Variants in MRE11 observed in about 807,000 individuals in gnomAD.
MRE11 encodes the protein double-strand break repair protein MRE11.
A neutral mutation model predicts 91.7 loss-of-function variants in MRE11; 62 were observed. The ratio of observed to expected loss-of-function variants is 0.68; its 90% CI spans 0.55 to 0.84. MRE11 has a LOEUF of 0.84. Among genes scored for constraint, MRE11 ranks in the 40% least tolerant of loss-of-function variants. MRE11 has a pLI of 0.00. For missense variants in MRE11, 796 were observed against 852.9 expected, an observed-to-expected ratio of 0.93 and a Z score of 0.83; for synonymous variants, 273 against 271.4, an observed-to-expected ratio of 1.01 and a Z score of -0.06.
chr11:94,454,614 T>C (rs1381516736), intron 14 of MRE11, among the ~76,000 whole-genome samples: 1 of 152,184 alleles, frequency 6.6e-6, no homozygotes, highest in Non-Finnish European at 1.5e-5. Context: ...GAAGCCCCAA[T>C]TACATTTTAG....
intron 4 of MRE11, among the ~76,000 whole-genome samples, chr11:94,481,309 G>A (rs1243994021): frequency 3.4e-5 from 5 of 145,848 alleles, no homozygotes; most frequent in East Asian, 2.0e-4. Flanking sequence ...ACTCTGTCTC[G>A]AAAAAAAAAA....
chr11:94,458,428 A>G (rs1277173002), intron 13 of MRE11, among the ~76,000 whole-genome samples: 11 of 152,120 alleles, frequency 7.2e-5, no homozygotes, highest in African/African-American at 2.7e-4. Context: ...ATATCTTCTC[A>G]TGTTCTTCTT....
intron 7 of MRE11, among the ~76,000 whole-genome samples, 160 bp downstream of exon 7, chr11:94,476,126 AAAC>A (rs1336015941): frequency 6.6e-6 from 1 of 152,302 alleles, no homozygotes; most frequent in Non-Finnish European, 1.5e-5. Flanking sequence ...TATATACTAA[AAAC>A]AATTTCAAAA....
In MRE11 at chr11:94,429,978, C is replaced by A. The variant is rs1444745732; in HGVS notation, c.2003G>T (p.Ser668Ile). The change falls in exon 19 of 20, where the codon AGC (serine) becomes ATC (isoleucine). Residue 668 changes from serine to isoleucine, a missense_variant. Physicochemically the swap from Ser to Ile is moderately radical, Grantham distance 142. Transcript: ENST00000323929. ...GGACATGATTTTGCTGGATGATGTG[C>A]TGGACCACCTGAGGCAAAACAAAAA... The part of the protein sequence containing the change: ...TTSKTDQRWS[S>I]TSSSKIMSQS... 6.2e-7 allele frequency: 1 copy of A among 1,614,052 alleles called. No individual in the cohort carries two copies. Among genetic ancestry groups the A allele is most frequent in the Non-Finnish European group, 8.5e-7 (1 of 1,179,984 alleles).
At chr11:94,505,354 G>T in the MRE11 span, among the ~76,000 whole-genome samples, 1 of 152,166 alleles carries the variant, frequency 6.6e-6, no homozygotes, top group Admixed American at 6.5e-5. Flanking sequence ...ACAAGATGTG[G>T]AGGGGGAAGA....
At chr11:94,488,639 A>G (rs1387481622) in intron 3 of MRE11, among the ~76,000 whole-genome samples, 1 of 152,178 alleles carries the variant, frequency 6.6e-6, no homozygotes, top group Admixed American at 6.5e-5. Context: ...AGAACCAGAT[A>G]ATGTCCTTTG....
intron 5 of MRE11, among the ~76,000 whole-genome samples, 200 bp downstream of exon 5, chr11:94,479,474 A>G (rs1946958904): frequency 1.3e-5 from 2 of 152,236 alleles, no homozygotes; most frequent in South Asian, 2.1e-4. Context: ...AAATAAAAGC[A>G]TAGCTCATAC....
At chr11:94,475,472 T>C (rs1483466549) in intron 7 of MRE11, 1 of 395,508 alleles carries the variant, frequency 2.5e-6, no homozygotes, top group Non-Finnish European at 5.0e-6. Flanking sequence ...CCCAAATCCT[T>C]TGAGTTCTTC....
At chr11:94,433,991 G>A (rs598599) in intron 18 of MRE11, among the ~76,000 whole-genome samples, 39,296 of 151,976 alleles carry the variant, frequency 0.26, 5,205 homozygotes, top group Middle Eastern at 0.33. Context: ...TTCCTTTAAT[G>A]CATGCTAACT....
chr11:94,496,946 A>C, upstream of MRE11: 1 of 1,613,440 alleles, frequency 6.2e-7, no homozygotes, highest in Non-Finnish European at 8.5e-7. Flanking sequence ...TGCTGAAAAA[A>C]ATCGGGTAAA....
At chr11:94,462,300 C>T (rs1946441231) in intron 11 of MRE11, among the ~76,000 whole-genome samples, 1 of 152,146 alleles carries the variant, frequency 6.6e-6, no homozygotes, top group South Asian at 2.1e-4. Flanking sequence ...AATGGCAGAA[C>T]GTTCCATGCT....
Position 94,449,467 on chromosome 11 carries a change from T to C in MRE11, c.1564-2029A>G, listed in dbSNP as rs1946035243. 3.3e-5 allele frequency among the ~76,000 whole-genome samples: 5 copies of C among 152,232 alleles called. 1 individual carries two copies. In the South Asian group the frequency reaches 1.0e-3, roughly 31 times the overall value. On this transcript the variant is annotated intron_variant, in intron 14 of 19. Coordinates refer to ENST00000323929, the MANE Select transcript of MRE11 (RefSeq NM_005591.4). ...CTAAAAATCAACACTCACGATACTT[T>C]TGGCATCATTTATGGAGACGCAGAG... is the stretch of plus-strand genomic sequence containing the variant.
intron 13 of MRE11, among the ~76,000 whole-genome samples, chr11:94,458,593 T>C (rs1191054215): frequency 6.6e-6 from 1 of 152,116 alleles, no homozygotes; most frequent in African/African-American, 2.4e-5. Flanking sequence ...ATAGGGAAAT[T>C]TCCCAGGCTG....
chr11:94,424,212 C>T (rs952057112), intron 19 of MRE11, among the ~76,000 whole-genome samples: 1 of 152,166 alleles, frequency 6.6e-6, no homozygotes, highest in Admixed American at 6.5e-5. Flanking sequence ...TGTTAAATGC[C>T]AGCTACTGGA....
intron 15 of MRE11, 130 bp from the exon 16 acceptor site, chr11:94,446,023 T>C: frequency 2.8e-6 from 2 of 714,466 alleles, no homozygotes; most frequent in East Asian, 2.5e-5. Flanking sequence ...GACATATATA[T>C]AAGAACAAAC....
At chr11:94,434,969 C>T (rs1013006845) in intron 18 of MRE11, among the ~76,000 whole-genome samples, 10 of 152,202 alleles carry the variant, frequency 6.6e-5, no homozygotes, top group South Asian at 4.1e-4. Context: ...TCTCATTATT[C>T]GAGCTTTAGT....
intron 16 of MRE11, 168 bp downstream of exon 16, chr11:94,445,642 G>A (rs12275237): frequency 3.2e-6 from 2 of 617,440 alleles, no homozygotes; most frequent in Non-Finnish European, 5.8e-6. Flanking sequence ...ACCCTCTTCA[G>A]TAACTCTAAT....
At chr11:94,422,232 T>C (rs1207037129) in intron 19 of MRE11, among the ~76,000 whole-genome samples, 1 of 152,172 alleles carries the variant, frequency 6.6e-6, no homozygotes, top group Non-Finnish European at 1.5e-5. Context: ...AGCAAATTAA[T>C]AAAGGCAAGA....
At chr11:94,456,374 CT>C (rs1946249386) in intron 13 of MRE11, 36 bp from the exon 14 acceptor site, 1 of 1,514,032 alleles carries the variant, frequency 6.6e-7, no homozygotes, top group African/African-American at 1.4e-5. Context: ...AACATGTTGC[CT>C]ATTCCAGTTA....
Sources: gnomAD v4.1 joint callset for allele counts (sites outside exome capture counted in the v4.1 genomes callset) on GRCh38, gnomAD v4.1.1 for gene constraint, MANE v1.5 for transcripts, NCBI Gene and HGNC (gene_info 2026-07-23, HGNC 2026-07-21) for gene names.